DST: variants seen among roughly 807,000 people sequenced by gnomAD.
DST encodes bullous pemphigoid antigen.
DST carries 253 observed loss-of-function variants against 875.2 expected under a neutral mutation model. That is an observed-to-expected ratio of 0.29 (90% CI 0.26 to 0.32). The LOEUF (loss-of-function observed/expected upper bound fraction) is 0.32, where lower values mean the gene tolerates loss of function less well. DST is among the 10% of genes least tolerant of loss of function. The pLI, the probability that DST is intolerant of heterozygous loss-of-function variation, is 1.00. For missense variants in DST, 8,287 were observed against 9,111.6 expected, an observed-to-expected ratio of 0.91 and a Z score of 3.68; for synonymous variants, 3,124 against 3,197.1, an observed-to-expected ratio of 0.98 and a Z score of 0.77.
At chr6:56,804,517 T>A (rs2099750925) in intron 4 of DST, among the ~76,000 whole-genome samples, 1 of 152,180 alleles carries the variant, frequency 6.6e-6, no homozygotes, top group Non-Finnish European at 1.5e-5. Flanking sequence ...CTTAGCCTCT[T>A]TTGACAATTA....
At chr6:56,515,961 T>C (rs1249891304) in intron 71 of DST, among the ~76,000 whole-genome samples, 3 of 152,104 alleles carry the variant, frequency 2.0e-5, no homozygotes, top group African/African-American at 7.2e-5. Flanking sequence ...AAGTCCCATA[T>C]GATTCTGGCA....
chr6:56,662,612 G>C (rs572605030), intron 10 of DST, among the ~76,000 whole-genome samples: 1 of 152,270 alleles, frequency 6.6e-6, no homozygotes, highest in African/African-American at 2.4e-5. Context: ...ATGGAAGTAG[G>C]AGAATGTGGG....
chr6:56,496,128 G>C (rs2095893442), intron 82 of DST, among the ~76,000 whole-genome samples: 1 of 152,080 alleles, frequency 6.6e-6, no homozygotes, highest in African/African-American at 2.4e-5. Context: ...ATTCACAAAA[G>C]TAAAAAATTA....
At position 56,838,563 on chromosome 6, in the gene DST, A is replaced by C. The variant is rs138193068; in HGVS notation, c.625+12834T>G. Among the ~76,000 whole-genome samples, 471 of 152,336 alleles carry C rather than the reference A, an allele frequency of 3.1e-3. 3 individuals are homozygous for C. The highest frequency in any genetic ancestry group is 4.9e-3 in the Non-Finnish European group (331 of 68,028). On this transcript the variant is annotated intron_variant, in intron 4 of 103. Coordinates refer to ENST00000680361, the MANE Select transcript of DST (RefSeq NM_001374736.1). ...ATACAAAACAAACAAACAACAACAA[A>C]AAAAAAACCTAGAAGTTTTAAAAAG...
chr6:56,647,466 A>G (rs2098949910), intron 13 of DST, among the ~76,000 whole-genome samples: 1 of 152,200 alleles, frequency 6.6e-6, no homozygotes, highest in Admixed American at 6.5e-5. Context: ...AGCACAATGA[A>G]TAACTCTAAT....
intron 4 of DST, among the ~76,000 whole-genome samples, chr6:56,800,719 A>G (rs1028102516): frequency 1.2e-4 from 18 of 152,280 alleles, no homozygotes; most frequent in African/African-American, 4.1e-4. Context: ...AACAAAAAAA[A>G]TAAAAACTCC....
intron 4 of DST, chr6:56,843,563 T>G: frequency 1.0e-6 from 1 of 983,802 alleles, no homozygotes; most frequent in Non-Finnish European, 1.2e-6. Flanking sequence ...ACGAGGCGCG[T>G]GCTTCGGGCC....
chr6:56,497,236 T>C, intron 82 of DST, 143 bp downstream of exon 82: 1 of 754,820 alleles, frequency 1.3e-6, no homozygotes, highest in Non-Finnish European at 1.9e-6. Flanking sequence ...ATAAATGGTG[T>C]GTTTCTAACA....
Position 56,650,989 on chromosome 6 carries a change from G to T in DST, c.1371C>A (p.Tyr457Ter). 1 of 1,612,934 alleles carries T rather than the reference G, an allele frequency of 6.2e-7. No individual in the cohort carries two copies. Among genetic ancestry groups the T allele is most frequent in the Non-Finnish European group, 8.5e-7 (1 of 1,179,190 alleles). The change falls in exon 12 of 104, where the codon TAC becomes TAA. Residue 457 changes from tyrosine (Y) to a stop codon, truncating the protein, a stop_gained. Coordinates refer to ENST00000680361, the MANE Select transcript of DST (RefSeq NM_001374736.1). LOFTEE classifies it high-confidence loss of function. ...GAAATGCATCATAGAGAGATGACAC[G>T]TAAGTTATTACTGATTTTTCATCAG... ...SSPDEKSVIT[Y>*]VSSLYDAFPK...
Position 56,562,218 on chromosome 6 carries a change from C to G in DST, c.14006-18G>C. On this transcript the variant is annotated intron_variant, in intron 55 of 103. Transcript: ENST00000680361. ...TGCTCCACCTGCAAAAATAGTAACA[C>G]TAAAATAATCACAGTTTCATAGTAT... 6.7e-7 allele frequency: 1 copy of G among 1,497,808 alleles called. No homozygotes were observed. The highest frequency in any genetic ancestry group is 1.3e-5 in the South Asian group (1 of 74,954). 92.8% of individuals were successfully genotyped at this position (1,497,808 alleles called of 1,614,324 possible). A position where few individuals can be genotyped will look rare whatever the true frequency, so the allele number is the denominator to read the frequency against.
At chr6:56,823,230 G>A (rs1451812267) in intron 4 of DST, among the ~76,000 whole-genome samples, 1 of 152,070 alleles carries the variant, frequency 6.6e-6, no homozygotes, top group Non-Finnish European at 1.5e-5. Flanking sequence ...GTTGTCTAAA[G>A]GCACACTCCT....
At chr6:56,696,882 A>G (rs1303195874) in intron 9 of DST, among the ~76,000 whole-genome samples, 2 of 151,996 alleles carry the variant, frequency 1.3e-5, no homozygotes, top group South Asian at 4.2e-4. Flanking sequence ...GCCTTCTCCA[A>G]ATTTTTATCC....
At chr6:56,698,760 G>A (rs1442725064) in intron 9 of DST, among the ~76,000 whole-genome samples, 3 of 152,192 alleles carry the variant, frequency 2.0e-5, no homozygotes, top group Admixed American at 6.5e-5. Flanking sequence ...TGCCTACTGT[G>A]GGTCAGGCTC....
At chr6:56,647,314 T>G (rs1005226311) in intron 13 of DST, among the ~76,000 whole-genome samples, 1 of 152,174 alleles carries the variant, frequency 6.6e-6, no homozygotes, top group African/African-American at 2.4e-5. Flanking sequence ...TACATGTCCA[T>G]GTAGGGAAAC....
intron 80 of DST, among the ~76,000 whole-genome samples, chr6:56,500,403 G>T (rs2096079427): frequency 6.6e-6 from 1 of 152,094 alleles, no homozygotes; most frequent in African/African-American, 2.4e-5. Context: ...ATATAAGATT[G>T]CTTTGCATAT....
intron 2 of DST, among the ~76,000 whole-genome samples, chr6:56,912,276 C>A (rs1358203983): frequency 6.6e-6 from 1 of 152,208 alleles, no homozygotes; most frequent in Non-Finnish European, 1.5e-5. Context: ...AGACATTCCC[C>A]AGTCTCTAAT....
At chr6:56,622,399 T>C (rs2152743280) in intron 36 of DST, among the ~76,000 whole-genome samples, 1 of 151,862 alleles carries the variant, frequency 6.6e-6, no homozygotes, top group East Asian at 1.9e-4. Context: ...TGAAACCCCG[T>C]CTCTACTAAA....
At chr6:56,780,136 T>C (rs2099689764) in intron 4 of DST, among the ~76,000 whole-genome samples, 1 of 151,826 alleles carries the variant, frequency 6.6e-6, no homozygotes, top group African/African-American at 2.4e-5. Flanking sequence ...TGTTGGACAT[T>C]TGGGTTGGTT....
chr6:56,462,187 C>T (rs1177615349), intron 102 of DST: 1 of 152,024 alleles, frequency 6.6e-6, no homozygotes, highest in Non-Finnish European at 1.5e-5. Context: ...GGGATTTTTC[C>T]CCACTAATTA....
Sources: gnomAD v4.1 joint callset for allele counts (sites outside exome capture counted in the v4.1 genomes callset) on GRCh38, gnomAD v4.1.1 for gene constraint, MANE v1.5 for transcripts, NCBI Gene and HGNC (gene_info 2026-07-23, HGNC 2026-07-21) for gene names.